The following USP34 variants were observed in gnomAD, a reference collection of about 807,000 sequenced individuals.
The protein encoded by USP34 is ubiquitin carboxyl-terminal hydrolase 34.
In USP34, 70 loss-of-function variants were observed where a neutral mutation model predicts 460.3. That is an observed-to-expected ratio of 0.15 (90% CI 0.13 to 0.19). The LOEUF (loss-of-function observed/expected upper bound fraction) is 0.19, where lower values mean the gene tolerates loss of function less well. USP34 is among the 10% of genes least tolerant of loss of function. The pLI, the probability that USP34 is intolerant of heterozygous loss-of-function variation, is 1.00. For missense variants in USP34, 3,985 were observed against 4,236.2 expected (o/e 0.94, Z 1.65); for synonymous variants, 1,647 against 1,405.3 (o/e 1.17, Z -3.85).
At chr2:61,387,700 C>T (rs1693200074) in intron 5 of USP34, among the ~76,000 whole-genome samples, 1 of 145,838 alleles carries the variant, frequency 6.9e-6, no homozygotes, top group South Asian at 2.1e-4. Flanking sequence ...CATATACACA[C>T]ATGTAAAAAT....
At chr2:61,447,380 T>A (rs1477421548) in intron 1 of USP34, among the ~76,000 whole-genome samples, 2 of 151,906 alleles carry the variant, frequency 1.3e-5, no homozygotes, top group African/African-American at 4.8e-5. Context: ...TTTTCTAAAA[T>A]TTTAATTTTT....
At chr2:61,225,634 T>A (rs1333980059) in intron 62 of USP34, among the ~76,000 whole-genome samples, 2 of 152,164 alleles carry the variant, frequency 1.3e-5, no homozygotes, top group East Asian at 3.9e-4. Flanking sequence ...GAGGTAGTTG[T>A]GTTCTATAAA....
At chr2:61,431,787 G>GA (rs1261599678) in intron 1 of USP34, among the ~76,000 whole-genome samples, 6 of 152,132 alleles carry the variant, frequency 3.9e-5, no homozygotes, top group Admixed American at 2.0e-4. Context: ...CCGGGAGGCG[G>GA]AGGTTGCAGT....
At chr2:61,469,871 A>G (rs1695895714) in intron 1 of USP34, among the ~76,000 whole-genome samples, 1 of 152,228 alleles carries the variant, frequency 6.6e-6, no homozygotes, top group Admixed American at 6.5e-5. Context: ...AATAAAATAA[A>G]AAGGCCAGAA....
Position 61,214,498 on chromosome 2 carries a change from G to A in USP34, c.8244C>T (p.Gly2748=), listed in dbSNP as rs749043236. 4 of 1,613,698 alleles carry A rather than the reference G, an allele frequency of 2.5e-6. No individual in the cohort carries two copies. The highest frequency in any genetic ancestry group is 4.5e-5 in the East Asian group (2 of 44,886). ...AKLYVDAAVH[G]TTKLVPYFSF... is the part of the protein sequence containing the mutation. ...TAAAATAGGGCACTAGCTTTGTAGTGCCATGAACAGCAGCATCAACATAAA... is the reference window on the plus strand; with the variant it reads ...TAAAATAGGGCACTAGCTTTGTAGTACCATGAACAGCAGCATCAACATAAA... Residue 2748 remains glycine (G), a synonymous_variant, in exon 68 of 80, where the codon GGC becomes GGT. Transcript: ENST00000398571.
At chr2:61,194,177 G>C (rs1409451321) in intron 75 of USP34, 1 of 985,330 alleles carries the variant, frequency 1.0e-6, no homozygotes, top group African/African-American at 1.7e-5. Flanking sequence ...AGGATGCCTA[G>C]GATCCCTTCC....
chr2:61,378,601 GTTATA>G (rs1297168210), intron 7 of USP34, among the ~76,000 whole-genome samples, 177 bp from the exon 8 acceptor site: 1 of 151,982 alleles, frequency 6.6e-6, no homozygotes, highest in Admixed American at 6.6e-5. Context: ...AACTATTTCT[GTTATA>G]TTAAAATACT....
chr2:61,406,296 A>G (rs1345058687), intron 2 of USP34, among the ~76,000 whole-genome samples, 168 bp from the exon 3 acceptor site: 1 of 152,006 alleles, frequency 6.6e-6, no homozygotes, highest in Non-Finnish European at 1.5e-5. Flanking sequence ...CGCAACAACA[A>G]CTGATATTTT....
intron 5 of USP34, among the ~76,000 whole-genome samples, chr2:61,392,820 A>G (rs1378069585): frequency 2.0e-5 from 3 of 152,192 alleles, no homozygotes; most frequent in Non-Finnish European, 1.5e-5. Flanking sequence ...GTGTTTCAAA[A>G]TTATATGCCC....
At chr2:61,404,711 C>T (rs1047335640) in intron 3 of USP34, among the ~76,000 whole-genome samples, 1 of 152,174 alleles carries the variant, frequency 6.6e-6, no homozygotes, top group Non-Finnish European at 1.5e-5. Flanking sequence ...ACCTGCATAA[C>T]TCAGCCTACA....
chr2:61,272,802 C>A (rs1047778389), intron 41 of USP34, among the ~76,000 whole-genome samples: 6 of 152,076 alleles, frequency 3.9e-5, no homozygotes, highest in African/African-American at 1.2e-4. Flanking sequence ...TAACATTATT[C>A]TGAATGTTTC....
chr2:61,250,453 C>T (rs982327297), intron 48 of USP34: 3 of 156,470 alleles, frequency 1.9e-5, no homozygotes, highest in African/African-American at 7.2e-5. Flanking sequence ...TTAAACACCC[C>T]ACATGCATGG....
chr2:61,367,921 G>C (rs991639260), intron 10 of USP34, among the ~76,000 whole-genome samples: 1 of 151,940 alleles, frequency 6.6e-6, no homozygotes, highest in Non-Finnish European at 1.5e-5. Flanking sequence ...AGACAGAAAA[G>C]TTATAACAAT....
intron 57 of USP34, among the ~76,000 whole-genome samples, chr2:61,232,988 T>C (rs1480446942): frequency 1.3e-5 from 2 of 150,312 alleles, no homozygotes; most frequent in African/African-American, 2.4e-5. Flanking sequence ...TCCTCCCGAG[T>C]AGCTGGGATT....
chr2:61,434,301 A>G (rs1349730486), intron 1 of USP34, among the ~76,000 whole-genome samples: 5 of 151,990 alleles, frequency 3.3e-5, no homozygotes, highest in African/African-American at 1.2e-4. Flanking sequence ...CCAAGAGCCC[A>G]CATCCCAGTC....
intron 33 of USP34, among the ~76,000 whole-genome samples, chr2:61,289,148 AAT>A (rs1689775350): frequency 6.6e-6 from 1 of 152,146 alleles, no homozygotes; most frequent in South Asian, 2.1e-4. Flanking sequence ...GCAATATAAA[AAT>A]ATATGTAATA....
intron 2 of USP34, among the ~76,000 whole-genome samples, chr2:61,413,685 A>G (rs905314097): frequency 7.5e-6 from 1 of 133,420 alleles, no homozygotes; most frequent in Non-Finnish European, 1.6e-5. Context: ...TAAAAAATAA[A>G]AAAACAAAAG....
intron 1 of USP34, among the ~76,000 whole-genome samples, chr2:61,437,818 A>T (rs138210868): frequency 0.012 from 900 of 76,316 alleles, 5 homozygotes; most frequent in Admixed American, 0.016. Flanking sequence ...AATAAATAAA[A>T]AACCTGAACA....
At chr2:61,253,007 T>C (rs749861168) in intron 48 of USP34, among the ~76,000 whole-genome samples, 13 of 152,182 alleles carry the variant, frequency 8.5e-5, no homozygotes, top group Non-Finnish European at 1.5e-4. Context: ...TAGTAAAAAA[T>C]TGGTATTATG....
Sources: allele counts gnomAD v4.1 joint callset (sites outside exome capture counted in the v4.1 genomes callset), GRCh38; gene constraint gnomAD v4.1.1; transcripts MANE v1.5; gene names NCBI Gene and HGNC (gene_info 2026-07-23, HGNC 2026-07-21).